The following NODAL variants were observed in gnomAD, a reference collection of about 807,000 sequenced individuals.
The protein encoded by NODAL is nodal homolog.
NODAL carries 12 observed loss-of-function variants against 34.0 expected under a neutral mutation model. The observed-to-expected ratio is 0.35, with a 90% CI of 0.23 to 0.57. The LOEUF (loss-of-function observed/expected upper bound fraction) is 0.57. Among genes scored for constraint, NODAL ranks in the 20% least tolerant of loss-of-function variants. The pLI, the probability that NODAL is intolerant of heterozygous loss-of-function variation, is 0.83. For synonymous variants in NODAL, 162 were observed against 186.4 expected, an observed-to-expected ratio of 0.87 and a Z score of 1.07; for missense variants, 390 against 444.2, an observed-to-expected ratio of 0.88 and a Z score of 1.10.
rs555563029 is a variant in NODAL, at chr10:70,435,353, C to A, written c.824G>T (p.Arg275Leu). The change falls in exon 2 of 3, where the codon CGC becomes CTC. Residue 275 changes from arginine (R) to leucine (L), a missense_variant. Physicochemically the swap from Arg to Leu is moderately radical, Grantham distance 102 (BLOSUM62 -2). Transcript: ENST00000287139. The part of the protein sequence containing the change: ...IIYPKQYNAY[R>L]CEGECPNPVG... ...AGGATTAGGACACTCGCCCTCACAG[C>A]GATAGGCGTTGTACTGCTTGGGGTA... 1.2e-6 allele frequency: 2 copies of A among 1,614,072 alleles called. No homozygotes were observed. Among genetic ancestry groups the A allele is most frequent in the African/African-American group, 2.7e-5 (2 of 74,940 alleles).
intron 1 of NODAL, among the ~76,000 whole-genome samples, chr10:70,439,482 G>GT (rs1188514139): frequency 6.6e-6 from 1 of 152,176 alleles, no homozygotes; most frequent in Non-Finnish European, 1.5e-5. Context: ...TGTGCCAAGT[G>GT]TTTCACAGGC....
In NODAL at chr10:70,433,034, C is replaced by G; in HGVS notation, c.946G>C (p.Val316Leu). 2 of 1,613,972 alleles carry G rather than the reference C, an allele frequency of 1.2e-6. No homozygotes were observed. The highest frequency in any genetic ancestry group is 1.7e-6 in the Non-Finnish European group (2 of 1,180,008). Residue 316 changes from valine to leucine, a missense_variant, in exon 3 of 3, where the codon GTG becomes CTG. Physicochemically the swap from Val to Leu is conservative, Grantham distance 32 (BLOSUM62 1). Coordinates refer to ENST00000287139, the MANE Select transcript of NODAL (RefSeq NM_018055.5). ...AGCATGCTCAGCGGCTTGGTCTTCA[C>G]TGGGGCACAACAAGTGGAAGGGACT... ...HRVPSTCCAP[V>L]KTKPLSMLYV...
rs1212951062 is a variant in NODAL at position 70,432,299 on chromosome 10, C to A, written c.*637G>T. The A allele has an allele frequency of 6.4e-6, 1 of 156,006 alleles. No homozygotes were observed. Among genetic ancestry groups the A allele is most frequent in the Non-Finnish European group, 1.4e-5 (1 of 70,318 alleles). The allele number at this position is 156,006 out of a possible 1,614,324, so 9.7% of individuals were successfully genotyped here. On this transcript the variant is annotated 3_prime_UTR_variant, in exon 3 of 3. Coordinates refer to ENST00000287139, the MANE Select transcript of NODAL (RefSeq NM_018055.5). ...GTTCCTGCCTCTGCCTTCACAGGCACCAGCTGGCCCAGGAGAACTAGACAA... is the reference window on the plus strand; with the variant it reads ...GTTCCTGCCTCTGCCTTCACAGGCAACAGCTGGCCCAGGAGAACTAGACAA...
chr10:70,440,631 C>T (rs928143202), intron 1 of NODAL, among the ~76,000 whole-genome samples: 1 of 152,210 alleles, frequency 6.6e-6, no homozygotes, highest in South Asian at 2.1e-4. Context: ...GGGGCTCCCT[C>T]TCCGCAGCAC....
At position 70,433,352 on chromosome 10, in the gene NODAL, A is replaced by AT. The variant is rs111384600; in HGVS notation, c.892-265dup. Among the ~76,000 whole-genome samples the AT allele has an allele frequency of 3.0e-3, 440 of 148,544 alleles. 12 individuals are homozygous for AT. In the East Asian group the frequency reaches 0.058, roughly 20 times the overall value. ...CATGTATCTGGGTAGAGTAGTAGCT[A>AT]TTTTTTTTTTTAAGTGGTAGCTAAT... On this transcript the variant is annotated intron_variant, in intron 2 of 2. Transcript: ENST00000287139.
At chr10:70,439,194 A>G (rs896418167) in intron 1 of NODAL, among the ~76,000 whole-genome samples, 2 of 152,160 alleles carry the variant, frequency 1.3e-5, no homozygotes, top group African/African-American at 4.8e-5. Flanking sequence ...TAGTAGAGAC[A>G]GGGTTTCATC....
chr10:70,436,203 A>G (rs376492899), intron 1 of NODAL: 2 of 586,620 alleles, frequency 3.4e-6, no homozygotes. Flanking sequence ...CCAAGGTGTC[A>G]TTCTTGGAAG....
intron 1 of NODAL, among the ~76,000 whole-genome samples, chr10:70,440,231 T>G (rs1845410505): frequency 6.6e-6 from 1 of 152,188 alleles, no homozygotes; most frequent in Non-Finnish European, 1.5e-5. Context: ...TGCCTGTCCA[T>G]CACCGCACAC....
chr10:70,442,556 A>G (rs7074416), upstream of NODAL, among the ~76,000 whole-genome samples: 66,629 of 152,018 alleles, frequency 0.44, 15,440 homozygotes, highest in African/African-American at 0.52. Flanking sequence ...GCAAAGTCAA[A>G]TCAGGGCTGG....
intron 1 of NODAL, among the ~76,000 whole-genome samples, chr10:70,437,995 A>C (rs1020146798): frequency 6.6e-5 from 10 of 152,072 alleles, no homozygotes; most frequent in African/African-American, 2.4e-4. Flanking sequence ...TGAGTTTAAA[A>C]ACACTTTATC....
Position 70,435,636 on chromosome 10 carries a change from A to G in NODAL, c.541T>C (p.Trp181Arg). The change falls in exon 2 of 3, where the codon TGG (tryptophan) becomes CGG (arginine). Residue 181 changes from tryptophan to arginine, a missense_variant. Physicochemically the swap from Trp to Arg is moderately radical, Grantham distance 101. Coordinates refer to ENST00000287139, the MANE Select transcript of NODAL (RefSeq NM_018055.5). ...GCAGGCGGTGTGGGGGGCCGCGGCC[A>G]GCACTCTCCAGCTACCCTGGACATC... Reference protein sequence around the residue: ...KQMSRVAGECWPRPPTPPATN... With the variant: ...KQMSRVAGECRPRPPTPPATN... 1 of 1,614,020 alleles carries G rather than the reference A, an allele frequency of 6.2e-7. No individual in the cohort carries two copies.
At chr10:70,441,806 G>C (rs897487345), upstream of NODAL, 5 of 907,306 alleles carry the variant, frequency 5.5e-6, no homozygotes, top group Non-Finnish European at 8.4e-6. Context: ...GGGGCAGAGA[G>C]ACCTCCTGCT....
At chr10:70,440,648 G>C (rs536829499) in intron 1 of NODAL, among the ~76,000 whole-genome samples, 1 of 152,306 alleles carries the variant, frequency 6.6e-6, no homozygotes, top group Non-Finnish European at 1.5e-5. Context: ...GCACCCACCT[G>C]CTCGCCGCGC....
In NODAL at chr10:70,432,848, C is replaced by T. The variant is rs2132212339; in HGVS notation, c.*88G>A. On this transcript the variant is annotated 3_prime_UTR_variant, in exon 3 of 3. Transcript: ENST00000287139. ...AGCAACTTTGCCCCTCTCTGTTTCTCCTTACTGGATTAGATGGTTATCATG... is the reference window on the plus strand; with the variant it reads ...AGCAACTTTGCCCCTCTCTGTTTCTTCTTACTGGATTAGATGGTTATCATG... 9 of 1,523,584 alleles carry T rather than the reference C, an allele frequency of 5.9e-6. No individual in the cohort carries two copies. Among genetic ancestry groups the T allele is most frequent in the Middle Eastern group, 3.8e-4 (2 of 5,228 alleles). 94.4% of individuals were successfully genotyped at this position (1,523,584 alleles called of 1,614,324 possible).
chr10:70,438,623 G>A (rs772722745), intron 1 of NODAL, among the ~76,000 whole-genome samples: 1 of 152,170 alleles, frequency 6.6e-6, no homozygotes, highest in Non-Finnish European at 1.5e-5. Flanking sequence ...GAAGGTGTCC[G>A]GACAGGCCAC....
At chr10:70,434,381 A>T (rs1363205590) in intron 2 of NODAL, among the ~76,000 whole-genome samples, 1 of 151,974 alleles carries the variant, frequency 6.6e-6, no homozygotes, top group African/African-American at 2.4e-5. Flanking sequence ...CTTGTTTTTG[A>T]GATGGAGTTT....
chr10:70,439,594 C>G (rs565612963), intron 1 of NODAL, among the ~76,000 whole-genome samples: 3 of 152,314 alleles, frequency 2.0e-5, no homozygotes, highest in African/African-American at 7.2e-5. Flanking sequence ...CAGATGTAAA[C>G]CCAATTGGAC....
chr10:70,435,217 G>A (rs972285168), intron 2 of NODAL, 69 bp downstream of exon 2: 19 of 1,336,542 alleles, frequency 1.4e-5, no homozygotes, highest in Middle Eastern at 2.0e-4. Flanking sequence ...TCATTTAATA[G>A]CAAAGCTAGA....
upstream of NODAL, among the ~76,000 whole-genome samples, chr10:70,444,935 T>C (rs1300471180): frequency 6.6e-6 from 1 of 152,110 alleles, no homozygotes; most frequent in Admixed American, 6.5e-5. Flanking sequence ...GGCACCCTCA[T>C]CCAGGTCATG....
Sources: gnomAD v4.1 joint callset for allele counts (sites outside exome capture counted in the v4.1 genomes callset) on GRCh38, gnomAD v4.1.1 for gene constraint, MANE v1.5 for transcripts, NCBI Gene and HGNC (gene_info 2026-07-23, HGNC 2026-07-21) for gene names.